AOAH: variants seen among roughly 807,000 people sequenced by gnomAD.
AOAH encodes acyloxyacyl hydrolase (neutrophil).
In AOAH, 64 loss-of-function variants were observed where a neutral mutation model predicts 92.2. The observed-to-expected ratio is 0.69, with a 90% CI of 0.57 to 0.86. The LOEUF (loss-of-function observed/expected upper bound fraction) is 0.86. AOAH is among the 40% of genes least tolerant of loss of function. The pLI, the probability that AOAH is intolerant of heterozygous loss-of-function variation, is 0.00. For missense variants in AOAH, 656 were observed against 694.6 expected (o/e 0.94, Z 0.62); for synonymous variants, 263 against 254.5 (o/e 1.03, Z -0.32).
At chr7:36,550,541 C>G (rs759277929) in intron 13 of AOAH, among the ~76,000 whole-genome samples, 11 of 152,104 alleles carry the variant, frequency 7.2e-5, no homozygotes, top group Non-Finnish European at 1.2e-4. Flanking sequence ...GGTACTCATT[C>G]GAAGAACTGC....
At chr7:36,557,064 A>AAACAGG in intron 13 of AOAH, among the ~76,000 whole-genome samples, 1 of 151,724 alleles carries the variant, frequency 6.6e-6, no homozygotes, top group South Asian at 2.1e-4. Context: ...TAGTTGATGC[A>AAACAGG]GTTTCTTCCT....
Position 36,671,006 on chromosome 7 carries a change from C to T in AOAH, c.290+2937G>A, listed in dbSNP as rs116144713. ...CAGCACACTGCTGTTGGGAGCTGCT[C>T]TCTGGCACCCCCTTTTGGACATTTG... On this transcript the variant is annotated intron_variant, in intron 3 of 20. Transcript: ENST00000617537. Among the ~76,000 whole-genome samples the T allele has an allele frequency of 2.1e-3, 320 of 152,288 alleles. 1 individual carries two copies. The highest frequency in any genetic ancestry group is 6.8e-3 in the Middle Eastern group (2 of 294).
At chr7:36,522,610 G>A (rs1784162110) in intron 19 of AOAH, among the ~76,000 whole-genome samples, 1 of 152,148 alleles carries the variant, frequency 6.6e-6, no homozygotes, top group Non-Finnish European at 1.5e-5. Flanking sequence ...GAGGGAGTAT[G>A]GCTGCAGAAA....
intron 19 of AOAH, among the ~76,000 whole-genome samples, chr7:36,522,740 T>A (rs1438774306): frequency 6.6e-6 from 1 of 152,152 alleles, no homozygotes; most frequent in East Asian, 1.9e-4. Context: ...CATTCCATCA[T>A]ACAGTCAGTA....
chr7:36,678,600 T>TGTGTGTGC lies in AOAH; in HGVS notation c.224-4592_224-4591insGCACACAC, dbSNP rs549317369. On this transcript the variant is annotated intron_variant, in intron 2 of 20. Transcript: ENST00000617537. ...GTGTGTGTGTGTGTGTGTGTGTGTG[T>TGTGTGTGC]GCGCGCGCGCGCGCGTTAGAATTCT... Among the ~76,000 whole-genome samples, 547 of 130,998 alleles carry TGTGTGTGC rather than the reference T, an allele frequency of 4.2e-3. 7 individuals carry two copies. Among genetic ancestry groups the TGTGTGTGC allele is most frequent in the Middle Eastern group, 8.7e-3 (2 of 230 alleles). The allele number at this position is 130,998 out of a possible 152,430, so 85.9% of individuals were successfully genotyped here.
At chr7:36,684,038 T>G (rs1383085999) in intron 2 of AOAH, among the ~76,000 whole-genome samples, 1 of 152,006 alleles carries the variant, frequency 6.6e-6, no homozygotes, top group Non-Finnish European at 1.5e-5. Context: ...ACAATGAACA[T>G]TCCTAAGCAT....
chr7:36,537,370 G>C (rs889377583), intron 16 of AOAH, among the ~76,000 whole-genome samples: 1 of 151,930 alleles, frequency 6.6e-6, no homozygotes, highest in East Asian at 1.9e-4. Flanking sequence ...AGAAGGACAA[G>C]GCAAAGGCAA....
At chr7:36,686,433 A>G (rs1236258321) in intron 2 of AOAH, among the ~76,000 whole-genome samples, 1 of 152,242 alleles carries the variant, frequency 6.6e-6, no homozygotes, top group African/African-American at 2.4e-5. Flanking sequence ...AACACATCAA[A>G]CAACAATTGG....
chr7:36,656,111 G>GA (rs35525909), intron 4 of AOAH, among the ~76,000 whole-genome samples: 7 of 152,006 alleles, frequency 4.6e-5, no homozygotes, highest in African/African-American at 7.3e-5. Context: ...CATCAATGTG[G>GA]AAAAAAATGT....
intron 12 of AOAH, among the ~76,000 whole-genome samples, chr7:36,579,787 G>A (rs1172322777): frequency 6.6e-6 from 1 of 152,074 alleles, no homozygotes; most frequent in Non-Finnish European, 1.5e-5. Flanking sequence ...ATTAAGGTTG[G>A]GTCTGCCTTT....
At chr7:36,719,251 G>A (rs888087890) in intron 1 of AOAH, among the ~76,000 whole-genome samples, 1 of 152,100 alleles carries the variant, frequency 6.6e-6, no homozygotes, top group Non-Finnish European at 1.5e-5. Flanking sequence ...TTATTAACTC[G>A]CAAATGTAAT....
chr7:36,566,410 A>T (rs1287853021), intron 13 of AOAH, among the ~76,000 whole-genome samples: 1 of 138,500 alleles, frequency 7.2e-6, no homozygotes, highest in Non-Finnish European at 1.5e-5. Context: ...GCCACTTTTG[A>T]TAATGAGGAC....
At position 36,690,112 on chromosome 7, in the gene AOAH, T is replaced by A. The variant is rs915083499; in HGVS notation, c.128-3318A>T. 4.3e-5 allele frequency: 19 copies of A among 446,816 alleles called. No individual in the cohort carries two copies. The Admixed American group carries it at 4.7e-4, about 11-fold the overall frequency. 27.7% of individuals were successfully genotyped at this position (446,816 alleles called of 1,614,324 possible). ...TTGTACTTACACATATGGGCTTTTC[T>A]TCTGAATTTCACTCAGAGAAATCCC... On this transcript the variant is annotated intron_variant, in intron 1 of 20. Transcript: ENST00000617537.
chr7:36,605,709 G>A (rs1790949872), intron 11 of AOAH, among the ~76,000 whole-genome samples: 1 of 152,222 alleles, frequency 6.6e-6, no homozygotes, highest in South Asian at 2.1e-4. Context: ...ATGAGCCTGG[G>A]AGTGCACCCT....
intron 13 of AOAH, among the ~76,000 whole-genome samples, chr7:36,552,960 T>G (rs905700736): frequency 1.3e-5 from 2 of 151,968 alleles, no homozygotes; most frequent in African/African-American, 4.8e-5. Context: ...CATTTTCTTT[T>G]TTTTTTTCTT....
intron 13 of AOAH, among the ~76,000 whole-genome samples, chr7:36,574,593 GA>G (rs1554290124): frequency 6.6e-6 from 1 of 152,174 alleles, no homozygotes; most frequent in Non-Finnish European, 1.5e-5. Context: ...AAGTAACAAA[GA>G]GCAGCCTGCA....
At chr7:36,622,181 G>A (rs960578665) in intron 7 of AOAH, among the ~76,000 whole-genome samples, 1 of 152,112 alleles carries the variant, frequency 6.6e-6, no homozygotes, top group South Asian at 2.1e-4. Context: ...ATGTACACAC[G>A]TGTGTTTGTG....
chr7:36,612,531 C>G (rs559062221), intron 11 of AOAH, among the ~76,000 whole-genome samples: 5 of 152,198 alleles, frequency 3.3e-5, no homozygotes, highest in Non-Finnish European at 5.9e-5. Flanking sequence ...TATTCTTGAG[C>G]AGATAATTGA....
chr7:36,667,739 T>G lies in AOAH; in HGVS notation c.290+6204A>C, dbSNP rs116458412. ...CCTCCCATATTTTGATGCTCTGTTT[T>G]TGGTGCATACATATTAAGAATTTTT... On this transcript the variant is annotated intron_variant, in intron 3 of 20. Coordinates refer to ENST00000617537, the MANE Select transcript of AOAH (RefSeq NM_001637.4). 2.7e-3 allele frequency among the ~76,000 whole-genome samples: 409 copies of G among 152,350 alleles called. 1 individual carries two copies. The highest frequency in any genetic ancestry group is 9.4e-3 in the African/African-American group (389 of 41,578).
Sources: gnomAD v4.1 joint callset for allele counts (sites outside exome capture counted in the v4.1 genomes callset) on GRCh38, gnomAD v4.1.1 for gene constraint, MANE v1.5 for transcripts, NCBI Gene and HGNC (gene_info 2026-07-23, HGNC 2026-07-21) for gene names.